Variants in CDYL2 observed in about 807,000 individuals in gnomAD.
CDYL2 encodes the protein chromodomain Y-like protein 2.
CDYL2 carries 23 observed loss-of-function variants against 49.4 expected under a neutral mutation model. The observed-to-expected ratio is 0.47, with a 90% confidence interval of 0.34 to 0.66. The LOEUF is 0.66. CDYL2 is among the 30% of genes least tolerant of loss of function. The pLI is 0.01. For synonymous variants in CDYL2, 360 were observed against 268.8 expected, an observed-to-expected ratio of 1.34 and a Z score of -3.32; for missense variants, 678 against 656.4, an observed-to-expected ratio of 1.03 and a Z score of -0.36.
At chr16:80,773,399 C>T (rs1906972354) in intron 1 of CDYL2, among the ~76,000 whole-genome samples, 1 of 151,996 alleles carries the variant, frequency 6.6e-6, no homozygotes, top group Admixed American at 6.5e-5. Context: ...TTCACACATG[C>T]CTCTCAATAA....
intron 1 of CDYL2, among the ~76,000 whole-genome samples, chr16:80,705,594 T>G (rs1037311114): frequency 2.0e-5 from 3 of 152,274 alleles, no homozygotes; most frequent in Non-Finnish European, 4.4e-5. Flanking sequence ...TGTGCTATTA[T>G]GAATATTTTC....
intron 2 of CDYL2, among the ~76,000 whole-genome samples, chr16:80,649,686 G>A (rs1238128563): frequency 1.3e-5 from 2 of 152,100 alleles, no homozygotes; most frequent in Non-Finnish European, 2.9e-5. Flanking sequence ...GAACAAAATT[G>A]CAGGAATCAC....
At chr16:80,627,803 T>A (rs76842958) in intron 3 of CDYL2, 1 of 152,230 alleles carries the variant, frequency 6.6e-6, no homozygotes, top group Non-Finnish European at 1.5e-5. Flanking sequence ...CAGACTGCTA[T>A]GCATTTTGAA....
At chr16:80,617,393 A>C (rs1362056862) in intron 4 of CDYL2, among the ~76,000 whole-genome samples, 5 of 152,246 alleles carry the variant, frequency 3.3e-5, no homozygotes, top group African/African-American at 9.6e-5. Context: ...CTTTCACAAG[A>C]GACTTCTTGT....
intron 1 of CDYL2, among the ~76,000 whole-genome samples, chr16:80,792,252 T>C (rs1383987683): frequency 6.6e-6 from 1 of 152,174 alleles, no homozygotes; most frequent in South Asian, 2.1e-4. Flanking sequence ...ACAATCACTA[T>C]AGTACAATGA....
intron 2 of CDYL2, among the ~76,000 whole-genome samples, chr16:80,640,916 A>C (rs1242708789): frequency 2.0e-5 from 3 of 152,214 alleles, no homozygotes; most frequent in Admixed American, 6.5e-5. Flanking sequence ...AAATAAAAGA[A>C]AAAGGAATAA....
intron 1 of CDYL2, among the ~76,000 whole-genome samples, chr16:80,721,107 C>G (rs772426157): frequency 3.3e-5 from 5 of 152,194 alleles, no homozygotes; most frequent in Non-Finnish European, 7.3e-5. Context: ...TCAGTGCCCC[C>G]ACTTCTTGAC....
At chr16:80,751,676 G>A (rs2142563984) in intron 1 of CDYL2, among the ~76,000 whole-genome samples, 1 of 152,374 alleles carries the variant, frequency 6.6e-6, no homozygotes, top group Non-Finnish European at 1.5e-5. Context: ...TGAGCAGAAA[G>A]AAGCAGGAGA....
intron 1 of CDYL2, among the ~76,000 whole-genome samples, chr16:80,773,340 T>C (rs1906969465): frequency 6.6e-6 from 1 of 152,050 alleles, no homozygotes; most frequent in Non-Finnish European, 1.5e-5. Flanking sequence ...AATGTAAAAA[T>C]TGACATTACA....
chr16:80,682,141 T>C (rs1017032728), intron 2 of CDYL2, among the ~76,000 whole-genome samples: 1 of 152,168 alleles, frequency 6.6e-6, no homozygotes, highest in African/African-American at 2.4e-5. Flanking sequence ...ACATGCAGAA[T>C]CTGAGAACCA....
At chr16:80,779,116 G>C (rs1907183944) in intron 1 of CDYL2, among the ~76,000 whole-genome samples, 1 of 151,926 alleles carries the variant, frequency 6.6e-6, no homozygotes, top group African/African-American at 2.4e-5. Flanking sequence ...GAAGGAAGGA[G>C]GAAGGGAGGA....
intron 1 of CDYL2, among the ~76,000 whole-genome samples, chr16:80,712,191 G>GTGTGTATATATATATATATA (rs1555532109): frequency 3.8e-4 from 41 of 107,922 alleles, no homozygotes; most frequent in Non-Finnish European, 5.1e-4. Context: ...GTCTGTGTGT[G>GTGTGTATATATATATATATA]TATATATATA....
chr16:80,631,690 T>C (rs1245133527), intron 3 of CDYL2, among the ~76,000 whole-genome samples: 2 of 152,136 alleles, frequency 1.3e-5, no homozygotes, highest in Non-Finnish European at 2.9e-5. Flanking sequence ...AAAGAATGCC[T>C]AAAAGTCAAC....
At chr16:80,687,918 T>C (rs954666341) in intron 1 of CDYL2, among the ~76,000 whole-genome samples, 4 of 152,202 alleles carry the variant, frequency 2.6e-5, no homozygotes, top group African/African-American at 9.7e-5. Context: ...TAGTGGTGTC[T>C]AAAGACAGAA....
Position 80,612,532 on chromosome 16 carries a change from A to T in CDYL2, c.1218+94T>A, listed in dbSNP as rs1314385129. 3.2e-6 allele frequency: 4 copies of T among 1,268,138 alleles called. No homozygotes were observed. In the African/African-American group the frequency reaches 6.0e-5, roughly 19 times the overall value. 78.6% of individuals were successfully genotyped at this position (1,268,138 alleles called of 1,614,324 possible). ...CCAAGCCAATCTGCAGGCTGACAAC[A>T]CCCTCAGGTTTCTAGCCCCATGAAG... is the stretch of plus-strand genomic sequence containing the variant. On this transcript the variant is annotated intron_variant, in intron 5 of 6. Coordinates refer to ENST00000570137, the MANE Select transcript of CDYL2 (RefSeq NM_152342.4). The surrounding 1 kb of genome is among the most constrained non-coding windows in gnomAD (Gnocchi z 5.0).
chr16:80,709,393 A>G (rs1480020920), intron 1 of CDYL2, among the ~76,000 whole-genome samples: 1 of 152,014 alleles, frequency 6.6e-6, no homozygotes, highest in Admixed American at 6.6e-5. Flanking sequence ...AAAAAAAAAA[A>G]AAAAGAAAAT....
intron 1 of CDYL2, among the ~76,000 whole-genome samples, chr16:80,692,552 T>G (rs1191583266): frequency 6.6e-6 from 1 of 152,206 alleles, no homozygotes; most frequent in East Asian, 1.9e-4. Flanking sequence ...AGAATACATA[T>G]TAGGATTAAT....
intron 2 of CDYL2, among the ~76,000 whole-genome samples, chr16:80,647,997 G>A (rs938099407): frequency 1.6e-4 from 25 of 152,004 alleles, no homozygotes; most frequent in African/African-American, 5.3e-4. Context: ...AAAACCTATG[G>A]GATACAGCTA....
chr16:80,717,689 C>T (rs1011672477), intron 1 of CDYL2, among the ~76,000 whole-genome samples: 12 of 152,210 alleles, frequency 7.9e-5, no homozygotes, highest in African/African-American at 2.9e-4. Flanking sequence ...GTGAAGTGGA[C>T]AGACAAGGCC....
Sources: allele counts gnomAD v4.1 joint callset (sites outside exome capture counted in the v4.1 genomes callset), GRCh38; gene constraint gnomAD v4.1.1; non-coding constraint Gnocchi (gnomAD v3.1); transcripts MANE v1.5; gene names NCBI Gene and HGNC (gene_info 2026-07-23, HGNC 2026-07-21).